CCR3: variants seen among roughly 807,000 people sequenced by gnomAD.
CCR3 encodes the protein C-C chemokine receptor type 3.
For missense variants in CCR3, 419 were observed against 437.5 expected (o/e 0.96, Z 0.38); for synonymous variants, 203 against 179.2 (o/e 1.13, Z -1.06).
chr3:46,254,238 G>A (rs1053044995), intron 1 of CCR3, among the ~76,000 whole-genome samples: 1 of 152,112 alleles, frequency 6.6e-6, no homozygotes, highest in African/African-American at 2.4e-5. Context: ...AAGAGGGCTC[G>A]ACAACAAACT....
At chr3:46,227,203 C>CTCATATA (rs1699910735) in intron 2 of CCR3, among the ~76,000 whole-genome samples, 1 of 152,050 alleles carries the variant, frequency 6.6e-6, no homozygotes, top group East Asian at 1.9e-4. Context: ...TGTTAAATCA[C>CTCATATA]TCTGTCATAG....
rs1700633859 is a variant in CCR3 at position 46,266,299 on chromosome 3, A to G, written c.*73A>G. On this transcript the variant is annotated 3_prime_UTR_variant, in exon 2 of 2. Coordinates refer to ENST00000395940, the MANE Select transcript of CCR3 (RefSeq NM_178329.3). ...CAAACACATTAAGCCTTCCACACTCACCTCTAAAACAGTCCTTCAAACTTC... is the reference window on the plus strand; with the variant it reads ...CAAACACATTAAGCCTTCCACACTCGCCTCTAAAACAGTCCTTCAAACTTC... The G allele has an allele frequency of 4.5e-6, 4 of 896,534 alleles. No homozygotes were observed. The allele number at this position is 896,534 out of a possible 1,614,324, so 55.5% of individuals were successfully genotyped here.
rs114868221 is a variant in CCR3 at position 46,245,626 on chromosome 3, A to G, written c.-12+3088A>G. The stretch of plus-strand genomic sequence containing the variant: ...TTTGTTACGTAGGTAAACTCGTGCC[A>G]TGGGGGTTTGTTGTACAGATTATTT... On this transcript the variant is annotated intron_variant, in intron 1 of 1. Transcript: ENST00000395940. 3.3e-3 allele frequency among the ~76,000 whole-genome samples: 501 copies of G among 152,118 alleles called. 5 individuals carry two copies. The highest frequency in any genetic ancestry group is 0.011 in the African/African-American group (471 of 41,506).
At chr3:46,213,512 T>C (rs1326013783) in intron 2 of CCR3, among the ~76,000 whole-genome samples, 1 of 152,198 alleles carries the variant, frequency 6.6e-6, no homozygotes, top group Non-Finnish European at 1.5e-5. Flanking sequence ...TGTAAAAGGC[T>C]GTGTGTACTC....
intron 2 of CCR3, among the ~76,000 whole-genome samples, chr3:46,224,310 C>T (rs1393901472): frequency 1.3e-5 from 2 of 152,128 alleles, no homozygotes. Flanking sequence ...AAAAACCAAA[C>T]CCTGGGCCAG....
At chr3:46,251,534 C>T (rs1034623616) in intron 1 of CCR3, among the ~76,000 whole-genome samples, 21 of 152,046 alleles carry the variant, frequency 1.4e-4, no homozygotes, top group South Asian at 6.2e-4. Context: ...ATCTTTCTCA[C>T]GGAGCAAAGA....
At chr3:46,219,169 T>A (rs1390720020) in intron 2 of CCR3, among the ~76,000 whole-genome samples, 1 of 152,186 alleles carries the variant, frequency 6.6e-6, no homozygotes, top group African/African-American at 2.4e-5. Flanking sequence ...TCAGTAGCAC[T>A]GCTATACACC....
upstream of CCR3, among the ~76,000 whole-genome samples, chr3:46,238,946 G>T (rs1700049355): frequency 1.3e-5 from 2 of 152,168 alleles, no homozygotes; most frequent in South Asian, 4.1e-4. Context: ...AGGGGATAAG[G>T]GAGTCATTGA....
chr3:46,247,832 C>T (rs1433925504), intron 1 of CCR3, among the ~76,000 whole-genome samples: 1 of 152,064 alleles, frequency 6.6e-6, no homozygotes, highest in Admixed American at 6.5e-5. Flanking sequence ...AGGGGCAAAT[C>T]CTCGAGCTTG....
intron 2 of CCR3, among the ~76,000 whole-genome samples, chr3:46,231,926 G>A (rs1156932374): frequency 6.6e-6 from 1 of 152,144 alleles, no homozygotes; most frequent in Non-Finnish European, 1.5e-5. Context: ...ATGTGACAGT[G>A]TGAGGTACCA....
chr3:46,233,319 C>T (rs573561353), intron 2 of CCR3, among the ~76,000 whole-genome samples: 1 of 152,320 alleles, frequency 6.6e-6, no homozygotes, highest in Admixed American at 6.5e-5. Flanking sequence ...GGCCCTGGTG[C>T]CCGGGAAGGA....
chr3:46,264,806 G>A, intron 1 of CCR3: 1 of 372,710 alleles, frequency 2.7e-6, no homozygotes, highest in Non-Finnish European at 4.8e-6. Flanking sequence ...TAATAATAAT[G>A]ATTATTATAT....
chr3:46,265,948 T>A lies in CCR3; in HGVS notation c.790T>A (p.Tyr264Asn). ...PYNVAILLSS[Y>N]QSILFGNDCE... ...CAATGTGGCTATCCTTCTCTCTTCCTATCAATCCATCTTATTTGGAAATGA... is the reference window on the plus strand; with the variant it reads ...CAATGTGGCTATCCTTCTCTCTTCCAATCAATCCATCTTATTTGGAAATGA... Residue 264 changes from tyrosine (Y) to asparagine (N), a missense_variant, in exon 2 of 2, where the codon TAT (tyrosine) becomes AAT (asparagine). Coordinates refer to ENST00000395940, the MANE Select transcript of CCR3 (RefSeq NM_178329.3). 4 of 1,614,162 alleles carry A rather than the reference T, an allele frequency of 2.5e-6. No individual in the cohort carries two copies. Among genetic ancestry groups the A allele is most frequent in the Non-Finnish European group, 3.4e-6 (4 of 1,180,018 alleles).
chr3:46,260,545 C>T lies in CCR3; in HGVS notation c.-11-4603C>T, dbSNP rs535573531. Among the ~76,000 whole-genome samples the T allele has an allele frequency of 1.1e-3, 167 of 152,324 alleles. 1 individual carries two copies. Among genetic ancestry groups the T allele is most frequent in the African/African-American group, 3.9e-3 (163 of 41,578 alleles). The stretch of plus-strand genomic sequence containing the variant: ...GGCCCCATGCAAATTCAAAATCCAG[C>T]AGGGCAGTCAAACCTTAAAGCTCCA... On this transcript the variant is annotated intron_variant, in intron 1 of 1. Coordinates refer to ENST00000395940, the MANE Select transcript of CCR3 (RefSeq NM_178329.3).
intron 1 of CCR3, among the ~76,000 whole-genome samples, chr3:46,245,732 T>C (rs1382327332): frequency 6.9e-6 from 1 of 145,400 alleles, no homozygotes; most frequent in Non-Finnish European, 1.5e-5. Context: ...TAGACCCCTG[T>C]GTCTGTTGTT....
At chr3:46,223,978 T>C (rs1209426619) in intron 2 of CCR3, among the ~76,000 whole-genome samples, 1 of 152,074 alleles carries the variant, frequency 6.6e-6, no homozygotes, top group Admixed American at 6.5e-5. Context: ...GAAAGCAGCA[T>C]GAGTGCCCAC....
At chr3:46,253,358 C>CAA (rs1440617387) in intron 1 of CCR3, among the ~76,000 whole-genome samples, 1 of 152,106 alleles carries the variant, frequency 6.6e-6, no homozygotes, top group African/African-American at 2.4e-5. Context: ...TGCAGGGAGT[C>CAA]ACACATAATT....
At chr3:46,236,992 T>G (rs975612231) in intron 2 of CCR3, among the ~76,000 whole-genome samples, 9 of 152,222 alleles carry the variant, frequency 5.9e-5, no homozygotes, top group Admixed American at 3.9e-4. Context: ...ATGCCTGGCT[T>G]ATTTCACTTA....
chr3:46,240,877 G>T (rs1162626236), upstream of CCR3, among the ~76,000 whole-genome samples: 2 of 152,202 alleles, frequency 1.3e-5, no homozygotes, highest in South Asian at 2.1e-4. Context: ...TTGCATTCAG[G>T]TGTCCAGCAG....
Sources: allele counts gnomAD v4.1 joint callset (sites outside exome capture counted in the v4.1 genomes callset), GRCh38; gene constraint gnomAD v4.1.1; transcripts MANE v1.5; gene names NCBI Gene and HGNC (gene_info 2026-07-23, HGNC 2026-07-21).